FAM177B: variants seen among roughly 807,000 people sequenced by gnomAD.
The protein encoded by FAM177B is family with sequence similarity 177 member B.
FAM177B carries 16 observed loss-of-function variants against 16.1 expected under a neutral mutation model. The observed-to-expected ratio is 0.99, with a 90% CI of 0.67 to 1.51. The LOEUF is 1.51. FAM177B is among the 40% of genes most tolerant of loss of function. FAM177B has a pLI of 0.00. For missense variants in FAM177B, 178 were observed against 183.7 expected (o/e 0.97, Z 0.18); for synonymous variants, 56 against 59.9 (o/e 0.93, Z 0.30).
At position 222,750,399 on chromosome 1, in the gene FAM177B, C is replaced by T. The variant is rs1329352980; in HGVS notation, c.*341C>T. On this transcript the variant is annotated 3_prime_UTR_variant, in exon 6 of 6. Coordinates refer to ENST00000445590, the MANE Select transcript of FAM177B (RefSeq NM_001394345.1). Reference sequence around the variant, plus strand: ...GAACTTTGGGACTGGGAGTTTTTGGCTGAAATCCTCTGTCATGGGACGAGG... The same window carrying T: ...GAACTTTGGGACTGGGAGTTTTTGGTTGAAATCCTCTGTCATGGGACGAGG... 1 of 1,041,676 alleles carries T rather than the reference C, an allele frequency of 9.6e-7. No homozygotes were observed. The highest frequency in any genetic ancestry group is 1.2e-6 in the Non-Finnish European group (1 of 867,526). The allele number at this position is 1,041,676 out of a possible 1,614,324, so 64.5% of individuals were successfully genotyped here.
At chr1:222,746,305 C>T (rs1658793301) in intron 2 of FAM177B, among the ~76,000 whole-genome samples, 1 of 152,180 alleles carries the variant, frequency 6.6e-6, no homozygotes, top group Admixed American at 6.6e-5. Context: ...TAAGAAAACC[C>T]TGTTGACACT....
chr1:222,749,497 T>G lies in FAM177B; in HGVS notation c.274T>G (p.Phe92Val). The G allele has an allele frequency of 6.2e-7, 1 of 1,611,018 alleles. No individual in the cohort carries two copies. Among genetic ancestry groups the G allele is most frequent in the Non-Finnish European group, 8.5e-7 (1 of 1,178,098 alleles). The change falls in exon 5 of 6, where the codon TTC becomes GTC. Residue 92 changes from phenylalanine (F) to valine (V), a missense_variant. Phe to Val is a conservative substitution (Grantham distance 50). Coordinates refer to ENST00000445590, the MANE Select transcript of FAM177B (RefSeq NM_001394345.1). ...CEFLGGRFAVFFGLTQPKYQY... is the reference protein window; with the variant it reads ...CEFLGGRFAVVFGLTQPKYQY... ...ATTCCTTGGTGGAAGATTTGCTGTCTTCTTTGGTCTTACTCAACCCAAATA... is the reference window on the plus strand; with the variant it reads ...ATTCCTTGGTGGAAGATTTGCTGTCGTCTTTGGTCTTACTCAACCCAAATA...
At chr1:222,748,881 GA>G (rs1558250715) in intron 4 of FAM177B, 30 of 359,450 alleles carry the variant, frequency 8.3e-5, no homozygotes, top group South Asian at 6.5e-4. Flanking sequence ...AATTGTAAAG[GA>G]AAACTTTTCT....
Position 222,740,852 on chromosome 1 carries a change from A to G in FAM177B, c.-16+2831A>G, listed in dbSNP as rs540876363. Among the ~76,000 whole-genome samples, 29 of 151,398 alleles carry G rather than the reference A, an allele frequency of 1.9e-4. No individual in the cohort carries two copies. In the South Asian group the frequency reaches 4.0e-3, roughly 21 times the overall value. On this transcript the variant is annotated intron_variant, in intron 2 of 5. Coordinates refer to ENST00000445590, the MANE Select transcript of FAM177B (RefSeq NM_001394345.1). ...GTAGCTGGGACTACAGGCGCCCACC[A>G]CTATGCCCAGCTAATTTTTTGTATA... is the stretch of plus-strand genomic sequence containing the variant.
At position 222,750,741 on chromosome 1, in the gene FAM177B, T is replaced by C. The variant is rs1228163863; in HGVS notation, c.*683T>C. ...CTGGAAAGATCGAACATGGAAATCA[T>C]TGTTAGATAACACAGGGTGTGCTGG... On this transcript the variant is annotated 3_prime_UTR_variant, in exon 6 of 6. Coordinates refer to ENST00000445590, the MANE Select transcript of FAM177B (RefSeq NM_001394345.1). 3 of 288,988 alleles carry C rather than the reference T, an allele frequency of 1.0e-5. No homozygotes were observed. The highest frequency in any genetic ancestry group is 1.5e-5 in the Non-Finnish European group (3 of 193,654). The allele number at this position is 288,988 out of a possible 1,614,324, so 17.9% of individuals were successfully genotyped here.
At chr1:222,748,275 G>A (rs1367066029) in intron 4 of FAM177B, among the ~76,000 whole-genome samples, 1 of 152,170 alleles carries the variant, frequency 6.6e-6, no homozygotes, top group Non-Finnish European at 1.5e-5. Flanking sequence ...TAAGGCAAAA[G>A]GGTTTGAAAA....
chr1:222,750,403 A>T lies in FAM177B; in HGVS notation c.*345A>T, dbSNP rs535597605. 1,286 of 1,041,954 alleles carry T rather than the reference A, an allele frequency of 1.2e-3. 2 individuals carry two copies. The highest frequency in any genetic ancestry group is 1.4e-3 in the Non-Finnish European group (1,193 of 867,634). The allele number at this position is 1,041,954 out of a possible 1,614,324, so 64.5% of individuals were successfully genotyped here. On this transcript the variant is annotated 3_prime_UTR_variant, in exon 6 of 6. Coordinates refer to ENST00000445590, the MANE Select transcript of FAM177B (RefSeq NM_001394345.1). The stretch of plus-strand genomic sequence containing the variant: ...TTTGGGACTGGGAGTTTTTGGCTGA[A>T]ATCCTCTGTCATGGGACGAGGGTAC...
intron 2 of FAM177B, among the ~76,000 whole-genome samples, chr1:222,745,170 C>T (rs144065168): frequency 6.6e-6 from 1 of 152,278 alleles, no homozygotes. Flanking sequence ...GTTTATCCAT[C>T]GTCAGTGGAT....
At chr1:222,749,686 C>G in intron 5 of FAM177B, 124 bp downstream of exon 5, 2 of 731,972 alleles carry the variant, frequency 2.7e-6, no homozygotes, top group Non-Finnish European at 4.6e-6. Context: ...ACCAAGCTCC[C>G]ATAGTCAGAC....
chr1:222,743,182 C>G (rs1658627648), intron 2 of FAM177B, among the ~76,000 whole-genome samples: 1 of 152,156 alleles, frequency 6.6e-6, no homozygotes, highest in African/African-American at 2.4e-5. Flanking sequence ...GTGTCTCACT[C>G]TGCCGCCCAG....
chr1:222,737,838 C>G (rs1421267018), intron 1 of FAM177B, 66 bp from the exon 2 acceptor site: 2 of 152,108 alleles, frequency 1.3e-5, no homozygotes, highest in African/African-American at 4.8e-5. Context: ...GATGATAGAC[C>G]AGGGTGGTAG....
At chr1:222,740,762 C>G (rs1015806345) in intron 2 of FAM177B, among the ~76,000 whole-genome samples, 1 of 152,108 alleles carries the variant, frequency 6.6e-6, no homozygotes, top group Non-Finnish European at 1.5e-5. Context: ...TGCAGTGGCA[C>G]GATCTCAGCT....
At chr1:222,740,710 T>G (rs1439319040) in intron 2 of FAM177B, among the ~76,000 whole-genome samples, 1 of 152,226 alleles carries the variant, frequency 6.6e-6, no homozygotes. Context: ...TGTTTTGTTT[T>G]GTTTCTTGAG....
intron 2 of FAM177B, among the ~76,000 whole-genome samples, chr1:222,746,009 C>T (rs898300963): frequency 6.6e-6 from 1 of 152,162 alleles, no homozygotes; most frequent in Non-Finnish European, 1.5e-5. Context: ...TAATGACATT[C>T]GTCATCTGTA....
rs992756977 is a variant in FAM177B at position 222,746,476 on chromosome 1, A to G, written c.-15-55A>G. 2.2e-5 allele frequency: 21 copies of G among 976,714 alleles called. No homozygotes were observed. In the African/African-American group the frequency reaches 3.0e-4, roughly 14 times the overall value. 60.5% of individuals were successfully genotyped at this position (976,714 alleles called of 1,614,324 possible). On this transcript the variant is annotated intron_variant, in intron 2 of 5. Coordinates refer to ENST00000445590, the MANE Select transcript of FAM177B (RefSeq NM_001394345.1). ...TTTACTATCCATTGAAAATAACTAG[A>G]TAACTCTCAGCTCTGGGTAACTTGC...
intron 5 of FAM177B, 119 bp from the exon 6 acceptor site, chr1:222,749,802 G>T: frequency 1.8e-6 from 2 of 1,099,906 alleles, no homozygotes; most frequent in Non-Finnish European, 2.7e-6. Flanking sequence ...AGGTAGTTGG[G>T]TGAGAAGGCT....
intron 4 of FAM177B, among the ~76,000 whole-genome samples, chr1:222,748,551 G>T (rs529719597): frequency 8.5e-5 from 13 of 152,274 alleles, no homozygotes; most frequent in Middle Eastern, 3.4e-3. Flanking sequence ...TCTACACAGA[G>T]ATTTTGTTTG....
At position 222,750,279 on chromosome 1, in the gene FAM177B, T is replaced by A; in HGVS notation, c.*221T>A. On this transcript the variant is annotated 3_prime_UTR_variant, in exon 6 of 6. Transcript: ENST00000445590. ...AGTAATTTTGGACACTTTCTCAGAA[T>A]AATTTCTATATTCAAGCCACCCCAC... 6 of 1,348,556 alleles carry A rather than the reference T, an allele frequency of 4.4e-6. No homozygotes were observed. The highest frequency in any genetic ancestry group is 5.7e-6 in the Non-Finnish European group (6 of 1,053,994). The allele number at this position is 1,348,556 out of a possible 1,614,324, so 83.5% of individuals were successfully genotyped here.
At position 222,741,440 on chromosome 1, in the gene FAM177B, A is replaced by C. The variant is rs75423218; in HGVS notation, c.-16+3419A>C. Among the ~76,000 whole-genome samples, 434 of 152,264 alleles carry C rather than the reference A, an allele frequency of 2.9e-3. 4 individuals are homozygous for C. Among genetic ancestry groups the C allele is most frequent in the African/African-American group, 9.7e-3 (405 of 41,544 alleles). On this transcript the variant is annotated intron_variant, in intron 2 of 5. Transcript: ENST00000445590. ...ATTTCCTATTATTAATCTTTCAATA[A>C]AGATGCAGGAATGGTTAATGCTCAG... is the stretch of plus-strand genomic sequence containing the variant.
Sources: gnomAD v4.1 joint callset for allele counts (sites outside exome capture counted in the v4.1 genomes callset) on GRCh38, gnomAD v4.1.1 for gene constraint, MANE v1.5 for transcripts, NCBI Gene and HGNC (gene_info 2026-07-23, HGNC 2026-07-21) for gene names.